PARD3: variants seen among roughly 807,000 people sequenced by gnomAD.
PARD3 encodes the protein partitioning defective 3 homolog.
A neutral mutation model predicts 155.4 loss-of-function variants in PARD3; 75 were observed. The ratio of observed to expected loss-of-function variants is 0.48; its 90% CI spans 0.40 to 0.58. The LOEUF is 0.58. PARD3 is among the 20% of genes least tolerant of loss of function. The pLI, the probability that PARD3 is intolerant of heterozygous loss-of-function variation, is 0.00. For missense variants in PARD3, 1,642 were observed against 1,721.7 expected (o/e 0.95, Z 0.82); for synonymous variants, 576 against 610.5 (o/e 0.94, Z 0.83).
intron 1 of PARD3, among the ~76,000 whole-genome samples, chr10:34,773,181 A>C (rs1415346109): frequency 6.6e-6 from 1 of 152,248 alleles, no homozygotes; most frequent in Non-Finnish European, 1.5e-5. Flanking sequence ...AAGAGAAAAT[A>C]CATCTATAAA....
At chr10:34,701,309 A>G (rs943817144) in intron 1 of PARD3, among the ~76,000 whole-genome samples, 1 of 151,384 alleles carries the variant, frequency 6.6e-6, no homozygotes, top group African/African-American at 2.4e-5. Context: ...CTGAAAGCCC[A>G]CTGAAACCAC....
At chr10:34,552,197 CTT>C (rs1056573097) in intron 2 of PARD3, among the ~76,000 whole-genome samples, 25 of 152,304 alleles carry the variant, frequency 1.6e-4, no homozygotes, top group African/African-American at 5.5e-4. Context: ...CAGCCTCAAA[CTT>C]AGGGCTGTAG....
intron 3 of PARD3, among the ~76,000 whole-genome samples, chr10:34,497,661 T>C (rs2080386517): frequency 6.6e-6 from 1 of 152,216 alleles, no homozygotes; most frequent in Non-Finnish European, 1.5e-5. Context: ...AGAAGAGGTA[T>C]GGTTTTACTG....
intron 2 of PARD3, among the ~76,000 whole-genome samples, chr10:34,545,120 G>A (rs1055159602): frequency 2.6e-5 from 4 of 152,198 alleles, no homozygotes; most frequent in Non-Finnish European, 4.4e-5. Context: ...TAGGAAGGGT[G>A]TTAATGGCTA....
At chr10:34,574,080 A>G (rs940981954) in intron 2 of PARD3, among the ~76,000 whole-genome samples, 1 of 152,074 alleles carries the variant, frequency 6.6e-6, no homozygotes. Context: ...AGTATATTCT[A>G]TAAGAATTCA....
chr10:34,432,315 T>C (rs1444058928), intron 5 of PARD3, among the ~76,000 whole-genome samples: 3 of 137,546 alleles, frequency 2.2e-5, no homozygotes, highest in Non-Finnish European at 3.1e-5. Context: ...GCTGTGAAAA[T>C]AGAAAGATAT....
At chr10:34,146,988 G>T (rs979863928) in intron 22 of PARD3, among the ~76,000 whole-genome samples, 1 of 151,944 alleles carries the variant, frequency 6.6e-6, no homozygotes, top group Non-Finnish European at 1.5e-5. Context: ...ATTAGCCAAA[G>T]GTTTACTGAA....
intron 2 of PARD3, among the ~76,000 whole-genome samples, chr10:34,659,960 T>C (rs1227331283): frequency 6.6e-6 from 1 of 152,204 alleles, no homozygotes; most frequent in African/African-American, 2.4e-5. Flanking sequence ...AAACTAGAAT[T>C]AGCATCTTCA....
intron 21 of PARD3, among the ~76,000 whole-genome samples, chr10:34,280,867 T>C (rs1183979441): frequency 6.6e-6 from 1 of 152,164 alleles, no homozygotes; most frequent in African/African-American, 2.4e-5. Context: ...ATAATGCACA[T>C]GAACTTGGTA....
intron 6 of PARD3, among the ~76,000 whole-genome samples, chr10:34,400,938 T>C (rs1348403393): frequency 6.6e-6 from 1 of 152,126 alleles, no homozygotes; most frequent in African/African-American, 2.4e-5. Flanking sequence ...TTCAATAAAC[T>C]GATTTTATCC....
At chr10:34,602,222 T>C (rs2089847100) in intron 2 of PARD3, among the ~76,000 whole-genome samples, 1 of 152,218 alleles carries the variant, frequency 6.6e-6, no homozygotes, top group Non-Finnish European at 1.5e-5. Context: ...CAGATCAATA[T>C]ATGTTTACAC....
intron 12 of PARD3, among the ~76,000 whole-genome samples, chr10:34,370,476 C>A (rs1589336940): frequency 6.6e-6 from 1 of 152,096 alleles, no homozygotes; most frequent in African/African-American, 2.4e-5. Flanking sequence ...GATGAGGTCT[C>A]GCTGTGTTGC....
chr10:34,279,416 T>C (rs1956058402), intron 21 of PARD3, among the ~76,000 whole-genome samples: 3 of 152,070 alleles, frequency 2.0e-5, no homozygotes, highest in Non-Finnish European at 2.9e-5. Context: ...TTAAAAAAAC[T>C]TGAAACTTAG....
At chr10:34,810,684 G>C (rs970109684) in intron 1 of PARD3, among the ~76,000 whole-genome samples, 1 of 152,074 alleles carries the variant, frequency 6.6e-6, no homozygotes, top group Non-Finnish European at 1.5e-5. Flanking sequence ...AGCAATAGTG[G>C]GACACCTGGG....
chr10:34,587,772 A>C (rs2088235266), intron 2 of PARD3, among the ~76,000 whole-genome samples: 1 of 152,168 alleles, frequency 6.6e-6, no homozygotes, highest in Admixed American at 6.5e-5. Context: ...ATGACTAGTT[A>C]GAAGTATAAG....
chr10:34,668,516 G>A (rs1295262732), intron 2 of PARD3, among the ~76,000 whole-genome samples: 1 of 152,152 alleles, frequency 6.6e-6, no homozygotes, highest in Admixed American at 6.5e-5. Context: ...GAGAGAGGAA[G>A]ATGAAAAACA....
chr10:34,354,406 G>T (rs1838553301), intron 14 of PARD3, among the ~76,000 whole-genome samples: 1 of 151,924 alleles, frequency 6.6e-6, no homozygotes. Context: ...GACTCTCCAG[G>T]GTTGCTCTTC....
chr10:34,383,150 T>C (rs1842021360), intron 8 of PARD3, among the ~76,000 whole-genome samples: 1 of 152,194 alleles, frequency 6.6e-6, no homozygotes. Context: ...AGAAAAATTA[T>C]CTACAACTAC....
At chr10:34,655,501 A>G (rs2093141809) in intron 2 of PARD3, among the ~76,000 whole-genome samples, 1 of 152,116 alleles carries the variant, frequency 6.6e-6, no homozygotes, top group South Asian at 2.1e-4. Context: ...AATGGGGAGG[A>G]GCATAAATTA....
Sources: gnomAD v4.1 joint callset for allele counts (sites outside exome capture counted in the v4.1 genomes callset) on GRCh38, gnomAD v4.1.1 for gene constraint, MANE v1.5 for transcripts, NCBI Gene and HGNC (gene_info 2026-07-23, HGNC 2026-07-21) for gene names.